The following USP6NL variants were observed in gnomAD, a reference collection of about 807,000 sequenced individuals.
The protein encoded by USP6NL is USP6 N-terminal-like protein.
USP6NL carries 26 observed loss-of-function variants against 61.9 expected under a neutral mutation model. The ratio of observed to expected loss-of-function variants is 0.42; its 90% CI spans 0.31 to 0.58. The LOEUF is 0.58. Ranked by LOEUF, USP6NL falls within the 20% of genes least tolerant of loss-of-function variation. USP6NL has a pLI of 0.16. For missense variants in USP6NL, 1,114 were observed against 1,034.3 expected (o/e 1.08, Z -1.06); for synonymous variants, 432 against 390.1 (o/e 1.11, Z -1.27).
In USP6NL at chr10:11,490,832, C is replaced by A; in HGVS notation, c.543G>T (p.Thr181=). 6.4e-7 allele frequency: 1 copy of A among 1,554,280 alleles called. No individual in the cohort carries two copies. Among genetic ancestry groups the A allele is most frequent in the East Asian group, 2.4e-5 (1 of 41,406 alleles). Residue 181 remains threonine, a splice_region_variant and synonymous_variant, in exon 9 of 15, where the codon ACG becomes ACT. Coordinates refer to ENST00000609104, the MANE Select transcript of USP6NL (RefSeq NM_014688.5). The surrounding 1 kb of genome is among the most constrained non-coding windows in gnomAD (Gnocchi z 4.5). ...HVLAAYSIYN[T]EVGYCQGMSQ... ...CTTGGGCAGGCAGGCCCCAACTTAC[C>A]GTGTTATAAATAGAATAGGCAGCAA...
chr10:11,563,770 G>A (rs115662515), intron 2 of USP6NL: 329 of 152,128 alleles, frequency 2.2e-3, no homozygotes, highest in African/African-American at 7.7e-3. Context: ...CATTTCCAAG[G>A]CGAGGCTTCC....
rs1377564484 is a variant in USP6NL at position 11,462,649 on chromosome 10, T to C, written c.2279A>G (p.Asn760Ser). 2.5e-6 allele frequency: 4 copies of C among 1,613,892 alleles called. No individual in the cohort carries two copies. Among genetic ancestry groups the C allele is most frequent in the South Asian group, 2.2e-5 (2 of 91,084 alleles). ...QSWTRDASRG[N>S]LPKYSAFQLA... ...TTGAAAGGCTGAGTATTTTGGTAAA[T>C]TGCCACGGCTAGCATCTCGGGTCCA... is the stretch of plus-strand genomic sequence containing the variant. Residue 760 changes from asparagine to serine, a missense_variant, in exon 15 of 15, where the codon AAT becomes AGT. Transcript: ENST00000609104.
At position 11,490,807 on chromosome 10, in the gene USP6NL, C is replaced by G. The variant is rs758480432; in HGVS notation, c.543+25G>C. On this transcript the variant is annotated intron_variant, in intron 9 of 14. Transcript: ENST00000609104. The surrounding 1 kb of genome is among the most constrained non-coding windows in gnomAD (Gnocchi z 4.5). ...GTACCTCAGAATACAACTCAAAGAC[C>G]TTGGGCAGGCAGGCCCCAACTTACC... The G allele has an allele frequency of 7.1e-6, 11 of 1,550,372 alleles. No homozygotes were observed. The African/African-American group carries it at 1.2e-4, about 17-fold the overall frequency.
chr10:11,589,108 A>C lies in USP6NL; in HGVS notation c.4+8523T>G, dbSNP rs1323319837. 6.6e-6 allele frequency among the ~76,000 whole-genome samples: 1 copy of C among 152,208 alleles called. No homozygotes were observed. The highest frequency in any genetic ancestry group is 1.5e-5 in the Non-Finnish European group (1 of 68,028). ...TATCCAGAAGAGAGACTCTAACAGC[A>C]GTAAAGGTTTCCCCTTAGCAGTAAG... On this transcript the variant is annotated intron_variant, in intron 2 of 14. Coordinates refer to ENST00000609104, the MANE Select transcript of USP6NL (RefSeq NM_014688.5). This position sits in a 1 kb window ranked among gnomAD's most constrained non-coding sequence, Gnocchi z 4.7.
At chr10:11,484,867 C>A in intron 13 of USP6NL, 104 bp downstream of exon 13, 8 of 848,630 alleles carry the variant, frequency 9.4e-6, no homozygotes, top group South Asian at 4.9e-5. Flanking sequence ...AAATTTAAAC[C>A]ACTATTAAAA....
intron 6 of USP6NL, among the ~76,000 whole-genome samples, chr10:11,504,570 A>C (rs1178711288): frequency 6.6e-6 from 1 of 152,230 alleles, no homozygotes; most frequent in East Asian, 1.9e-4. Context: ...CGCTTTATTA[A>C]AGTGGCAGAA....
chr10:11,560,703 AT>A (rs1391225212), intron 2 of USP6NL, among the ~76,000 whole-genome samples: 1 of 115,782 alleles, frequency 8.6e-6, no homozygotes, highest in Non-Finnish European at 1.9e-5. Flanking sequence ...ACAGTAAAAA[AT>A]ATATATATAT....
intron 2 of USP6NL, among the ~76,000 whole-genome samples, chr10:11,534,092 C>T (rs1036182699): frequency 6.6e-6 from 1 of 152,060 alleles, no homozygotes; most frequent in African/African-American, 2.4e-5. Flanking sequence ...CCTCATCCCC[C>T]ACCCTTGATA....
At chr10:11,535,658 G>A (rs919601124) in intron 2 of USP6NL, among the ~76,000 whole-genome samples, 2 of 152,126 alleles carry the variant, frequency 1.3e-5, no homozygotes, top group African/African-American at 4.8e-5. Flanking sequence ...CTAGTATAAC[G>A]AATTCAGACA....
chr10:11,484,039 G>A (rs1833354814), intron 13 of USP6NL, among the ~76,000 whole-genome samples: 1 of 152,154 alleles, frequency 6.6e-6, no homozygotes, highest in South Asian at 2.1e-4. Context: ...AAGCACAGCA[G>A]AGAGAAAAAC....
At chr10:11,539,946 A>G (rs1365361171) in intron 2 of USP6NL, among the ~76,000 whole-genome samples, 16 of 152,228 alleles carry the variant, frequency 1.1e-4, no homozygotes, top group Admixed American at 1.0e-3. Flanking sequence ...TTCAGGCCAT[A>G]TGGGAAGTAA....
At chr10:11,577,920 C>CTAA (rs1194759989) in intron 2 of USP6NL, among the ~76,000 whole-genome samples, 1 of 151,950 alleles carries the variant, frequency 6.6e-6, no homozygotes, top group Non-Finnish European at 1.5e-5. Context: ...TTTTCTCTAC[C>CTAA]TAATAAAAGA....
rs149196637 is a variant in USP6NL, at chr10:11,584,341, C to T, written c.4+13290G>A. On this transcript the variant is annotated intron_variant, in intron 2 of 14. Coordinates refer to ENST00000609104, the MANE Select transcript of USP6NL (RefSeq NM_014688.5). ...AAACACATAAAGACAAACATATTGC[C>T]AAAGAATTCACAAAAGCACTTGGGT... Among the ~76,000 whole-genome samples, 493 of 152,282 alleles carry T rather than the reference C, an allele frequency of 3.2e-3. 2 individuals carry two copies. Among genetic ancestry groups the T allele is most frequent in the African/African-American group, 0.011 (452 of 41,562 alleles).
rs3740203 is a variant in USP6NL at position 11,462,985 on chromosome 10, G to C, written c.1943C>G (p.Thr648Ser). 20 of 1,613,986 alleles carry C rather than the reference G, an allele frequency of 1.2e-5. No individual in the cohort carries two copies. Among genetic ancestry groups the C allele is most frequent in the Non-Finnish European group, 1.5e-5 (18 of 1,179,864 alleles). Residue 648 changes from threonine (T) to serine (S), a missense_variant, in exon 15 of 15, where the codon ACT (threonine) becomes AGT (serine). Coordinates refer to ENST00000609104, the MANE Select transcript of USP6NL (RefSeq NM_014688.5). Reference protein sequence around the residue: ...YHGNSPKHFPTANSSFASPQF... With the variant: ...YHGNSPKHFPSANSSFASPQF... ...TGGAGAAGCAAAGCTGCTGTTGGCA[G>C]TAGGGAAGTGTTTGGGAGAGTTTCC...
At chr10:11,539,843 A>G (rs1835979507) in intron 2 of USP6NL, among the ~76,000 whole-genome samples, 1 of 152,258 alleles carries the variant, frequency 6.6e-6, no homozygotes, top group Admixed American at 6.5e-5. Flanking sequence ...TAACATGCAT[A>G]ATCTCACTTA....
At chr10:11,551,591 G>A (rs1253446069) in intron 2 of USP6NL, among the ~76,000 whole-genome samples, 1 of 152,200 alleles carries the variant, frequency 6.6e-6, no homozygotes, top group Non-Finnish European at 1.5e-5. Context: ...GCAGCGATGA[G>A]AAAAATGAGA....
chr10:11,475,426 C>T (rs1398931468), intron 14 of USP6NL, among the ~76,000 whole-genome samples: 1 of 151,604 alleles, frequency 6.6e-6, no homozygotes, highest in African/African-American at 2.4e-5. Flanking sequence ...AACCCCATCT[C>T]TACTAAAAAA....
chr10:11,596,542 C>G lies in USP6NL; in HGVS notation c.4+1089G>C, dbSNP rs781522971. The stretch of plus-strand genomic sequence containing the variant: ...GGGAGGCTGAGGCAGGAGAATGGCG[C>G]GAACCCAGGAGGTGGAGCTTGCAGT... On this transcript the variant is annotated intron_variant, in intron 2 of 14. Coordinates refer to ENST00000609104, the MANE Select transcript of USP6NL (RefSeq NM_014688.5). The surrounding 1 kb of genome is among the most constrained non-coding windows in gnomAD (Gnocchi z 4.1). Among the ~76,000 whole-genome samples the G allele has an allele frequency of 6.6e-6, 1 of 151,170 alleles. No homozygotes were observed. Among genetic ancestry groups the G allele is most frequent in the Non-Finnish European group, 1.5e-5 (1 of 67,858 alleles).
chr10:11,497,424 A>AAG (rs1241228567), intron 7 of USP6NL, among the ~76,000 whole-genome samples: 3 of 151,458 alleles, frequency 2.0e-5, no homozygotes, highest in Non-Finnish European at 4.4e-5. Context: ...AAAAAAAAAA[A>AAG]AAAGAAAGAA....
Sources: gnomAD v4.1 joint callset for allele counts (sites outside exome capture counted in the v4.1 genomes callset) on GRCh38, gnomAD v4.1.1 for gene constraint, Gnocchi (gnomAD v3.1) non-coding constraint, MANE v1.5 for transcripts, NCBI Gene and HGNC (gene_info 2026-07-23, HGNC 2026-07-21) for gene names.